ABCC4: variants seen among roughly 807,000 people sequenced by gnomAD.
ABCC4 encodes the protein ATP binding cassette subfamily C member 4 (PEL blood group).
A neutral mutation model predicts 168.5 loss-of-function variants in ABCC4; 102 were observed. The observed-to-expected ratio is 0.61, with a 90% confidence interval of 0.52 to 0.71. The LOEUF (loss-of-function observed/expected upper bound fraction) is 0.71, where lower values mean the gene tolerates loss of function less well. ABCC4 is among the 30% of genes least tolerant of loss of function. The pLI, the probability that ABCC4 is intolerant of heterozygous loss-of-function variation, is 0.00. For synonymous variants in ABCC4, 617 were observed against 590.7 expected, an observed-to-expected ratio of 1.04 and a Z score of -0.65; for missense variants, 1,402 against 1,605.8, an observed-to-expected ratio of 0.87 and a Z score of 2.17.
intron 3 of ABCC4, among the ~76,000 whole-genome samples, chr13:95,240,944 C>CCCGCAAACTGGTGTCACCATCTCTCT (rs1566559925): frequency 6.6e-6 from 1 of 152,118 alleles, no homozygotes; most frequent in Non-Finnish European, 1.5e-5. Context: ...GCACTCTAAC[C>CCCGCAAACTGGTGTCACCATCTCTCT]TGGGTGACAG....
intron 8 of ABCC4, among the ~76,000 whole-genome samples, chr13:95,202,408 G>A (rs972274187): frequency 2.0e-5 from 3 of 152,100 alleles, no homozygotes; most frequent in African/African-American, 4.8e-5. Context: ...TAATACAGAC[G>A]GTTTTCTAAA....
At chr13:95,069,734 C>A (rs2033664594) in intron 25 of ABCC4, among the ~76,000 whole-genome samples, 1 of 152,200 alleles carries the variant, frequency 6.6e-6, no homozygotes, top group South Asian at 2.1e-4. Flanking sequence ...CTAATTCACT[C>A]AGCATAATGT....
Position 95,057,123 on chromosome 13 carries a change from A to C in ABCC4, c.3367-3939T>G, listed in dbSNP as rs188748248. 4.2e-3 allele frequency among the ~76,000 whole-genome samples: 645 copies of C among 152,372 alleles called. 8 individuals carry two copies. The highest frequency in any genetic ancestry group is 0.015 in the African/African-American group (610 of 41,598). On this transcript the variant is annotated intron_variant, in intron 26 of 30. Coordinates refer to ENST00000645237, the MANE Select transcript of ABCC4 (RefSeq NM_005845.5). ...CTTAACTACCCTGTGTCATGAACAC[A>C]AAAGAAGCATACATTTCAGCTAACT... is the stretch of plus-strand genomic sequence containing the variant.
At chr13:95,145,518 G>C (rs956088431) in intron 19 of ABCC4, among the ~76,000 whole-genome samples, 3 of 149,970 alleles carry the variant, frequency 2.0e-5, no homozygotes, top group African/African-American at 7.4e-5. Context: ...CAGATACTTG[G>C]AAAGCTAAAA....
intron 25 of ABCC4, among the ~76,000 whole-genome samples, chr13:95,063,630 A>C (rs952126738): frequency 3.3e-5 from 5 of 152,236 alleles, no homozygotes; most frequent in South Asian, 2.1e-4. Context: ...CTGCAAACTA[A>C]TTAATACTTA....
At chr13:95,221,010 T>C (rs2039297395) in intron 4 of ABCC4, among the ~76,000 whole-genome samples, 1 of 152,200 alleles carries the variant, frequency 6.6e-6, no homozygotes. Flanking sequence ...AGTTTTTCAC[T>C]AAATGCTGAG....
chr13:95,233,173 CAATTA>C (rs1301343256), intron 4 of ABCC4, among the ~76,000 whole-genome samples: 2 of 151,818 alleles, frequency 1.3e-5, no homozygotes, highest in African/African-American at 4.8e-5. Context: ...TTACAATGTG[CAATTA>C]AATAATGTAC....
chr13:95,273,800 G>T (rs60896987), intron 1 of ABCC4, among the ~76,000 whole-genome samples: 1,889 of 127,110 alleles, frequency 0.015, 49 homozygotes, highest in African/African-American at 0.048. Context: ...GATCTGATGG[G>T]TTTTTTTTTT....
intron 20 of ABCC4, among the ~76,000 whole-genome samples, chr13:95,097,499 A>T (rs2034641908): frequency 1.3e-5 from 2 of 152,070 alleles, no homozygotes; most frequent in East Asian, 3.9e-4. Context: ...AGTGGACAAA[A>T]ATTCAGTAAA....
intron 13 of ABCC4, 77 bp from the exon 14 acceptor site, chr13:95,170,705 C>G (rs553632029): frequency 2.3e-6 from 2 of 853,984 alleles, no homozygotes; most frequent in Admixed American, 2.5e-5. Context: ...ATTTTGAAAC[C>G]GTAGTCAAAG....
intron 23 of ABCC4, 51 bp downstream of exon 23, chr13:95,074,163 C>G: frequency 7.2e-7 from 1 of 1,390,650 alleles, no homozygotes; most frequent in Non-Finnish European, 1.0e-6. Context: ...AATGTAAACA[C>G]AGCTATAAAT....
chr13:95,271,878 C>T (rs1194339811), intron 1 of ABCC4, among the ~76,000 whole-genome samples: 1 of 152,074 alleles, frequency 6.6e-6, no homozygotes. Context: ...TCCTAACCAC[C>T]CAAGAAGTCT....
intron 19 of ABCC4, among the ~76,000 whole-genome samples, chr13:95,156,697 G>T (rs1004396669): frequency 2.8e-4 from 42 of 152,096 alleles, no homozygotes; most frequent in African/African-American, 9.7e-4. Flanking sequence ...AAAATGTAAG[G>T]CTTCTTAACA....
intron 20 of ABCC4, among the ~76,000 whole-genome samples, chr13:95,110,629 G>A (rs2035171124): frequency 6.6e-6 from 1 of 152,136 alleles, no homozygotes; most frequent in Admixed American, 6.6e-5. Flanking sequence ...GAAAATGGAA[G>A]AAGAGATTCA....
chr13:95,205,756 C>A (rs1010120599), intron 8 of ABCC4, among the ~76,000 whole-genome samples: 13 of 152,322 alleles, frequency 8.5e-5, no homozygotes, highest in Non-Finnish European at 1.3e-4. Context: ...CAGGTCGCTA[C>A]GGCAGAGCCC....
chr13:95,261,383 A>T (rs1382582749), intron 1 of ABCC4, among the ~76,000 whole-genome samples: 1 of 152,156 alleles, frequency 6.6e-6, no homozygotes. Flanking sequence ...CAAGAGGCAG[A>T]TGTTGCAGTG....
At chr13:95,129,834 C>T (rs897333061) in intron 19 of ABCC4, among the ~76,000 whole-genome samples, 6 of 151,956 alleles carry the variant, frequency 3.9e-5, no homozygotes, top group Non-Finnish European at 8.8e-5. Flanking sequence ...CAGCACTTTG[C>T]GAGGCCAAGG....
At chr13:95,291,878 G>A (rs780894704) in intron 1 of ABCC4, among the ~76,000 whole-genome samples, 18 of 151,928 alleles carry the variant, frequency 1.2e-4, no homozygotes, top group Non-Finnish European at 1.6e-4. Context: ...ACCAGAAGGT[G>A]GAGGTTGCAG....
At chr13:95,191,001 C>G (rs1011589298) in intron 9 of ABCC4, among the ~76,000 whole-genome samples, 8 of 152,218 alleles carry the variant, frequency 5.3e-5, no homozygotes, top group Non-Finnish European at 8.8e-5. Context: ...CAAAATGAAT[C>G]TGGCGTCCCT....
Sources: gnomAD v4.1 joint callset for allele counts (sites outside exome capture counted in the v4.1 genomes callset) on GRCh38, gnomAD v4.1.1 for gene constraint, MANE v1.5 for transcripts, NCBI Gene and HGNC (gene_info 2026-07-23, HGNC 2026-07-21) for gene names.